The following CFAP54 variants were observed in gnomAD, a reference collection of about 807,000 sequenced individuals.
CFAP54 encodes the protein cilia and flagella associated protein 54.
A neutral mutation model predicts 370.4 loss-of-function variants in CFAP54; 290 were observed. The observed-to-expected ratio is 0.78, with a 90% CI of 0.71 to 0.86. The LOEUF (loss-of-function observed/expected upper bound fraction) is 0.86. Ranked by LOEUF, CFAP54 falls within the 40% of genes least tolerant of loss-of-function variation. CFAP54 has a pLI of 0.00. For synonymous variants in CFAP54, 1,206 were observed against 1,236.5 expected (o/e 0.98, Z 0.52); for missense variants, 3,399 against 3,528.7 (o/e 0.96, Z 0.93).
At chr12:96,751,861 T>C (rs1958187181) in intron 55 of CFAP54, among the ~76,000 whole-genome samples, 2 of 152,112 alleles carry the variant, frequency 1.3e-5, no homozygotes, top group South Asian at 2.1e-4. Flanking sequence ...ATGCATAACA[T>C]ATTTAGAAGG....
chr12:96,844,253 A>G (rs770397321), intron 66 of CFAP54, among the ~76,000 whole-genome samples: 9 of 152,126 alleles, frequency 5.9e-5, no homozygotes, highest in Non-Finnish European at 1.0e-4. Flanking sequence ...TGATCTCTAA[A>G]TGTCATCACA....
chr12:96,542,135 AT>A (rs1437320541), intron 14 of CFAP54, among the ~76,000 whole-genome samples: 2 of 152,172 alleles, frequency 1.3e-5, no homozygotes, highest in Admixed American at 6.5e-5. Context: ...GGACTTCGTA[AT>A]AAAGTTACTC....
At chr12:96,728,582 A>AT (rs1957873792) in intron 50 of CFAP54, among the ~76,000 whole-genome samples, 1 of 151,924 alleles carries the variant, frequency 6.6e-6, no homozygotes. Context: ...ATTCGTCTAA[A>AT]TTTTTTTCAA....
intron 67 of CFAP54, among the ~76,000 whole-genome samples, chr12:96,869,952 AAAAG>A (rs1960112216): frequency 6.6e-6 from 1 of 151,198 alleles, no homozygotes; most frequent in Non-Finnish European, 1.5e-5. Flanking sequence ...AAAAAAAAAA[AAAAG>A]GAAGGAAGGA....
chr12:96,622,769 G>C (rs1183891917), intron 27 of CFAP54, among the ~76,000 whole-genome samples: 1 of 152,160 alleles, frequency 6.6e-6, no homozygotes, highest in African/African-American at 2.4e-5. Context: ...TTCTATCTCT[G>C]TGATATCTTG....
chr12:96,828,172 T>G (rs1375012052), intron 65 of CFAP54, among the ~76,000 whole-genome samples: 3 of 148,956 alleles, frequency 2.0e-5, no homozygotes, highest in African/African-American at 7.4e-5. Flanking sequence ...CTGACAATTA[T>G]GTAGTTATGA....
intron 26 of CFAP54, among the ~76,000 whole-genome samples, chr12:96,600,820 A>G (rs1956232092): frequency 6.6e-6 from 1 of 152,296 alleles, no homozygotes; most frequent in Non-Finnish European, 1.5e-5. Flanking sequence ...GTATTCTGAG[A>G]CTTTGCTGAA....
intron 25 of CFAP54, among the ~76,000 whole-genome samples, chr12:96,597,334 T>G (rs1406703641): frequency 6.6e-6 from 1 of 152,042 alleles, no homozygotes; most frequent in African/African-American, 2.4e-5. Flanking sequence ...CACAGTGTTA[T>G]GTACTGTCAT....
intron 63 of CFAP54, among the ~76,000 whole-genome samples, chr12:96,804,731 G>GA (rs1269290414): frequency 5.3e-5 from 8 of 151,606 alleles, no homozygotes; most frequent in Non-Finnish European, 8.8e-5. Context: ...CAGATAATTA[G>GA]AAAAAAACAA....
intron 60 of CFAP54, among the ~76,000 whole-genome samples, chr12:96,770,625 G>A (rs1300586599): frequency 6.6e-6 from 1 of 152,226 alleles, no homozygotes; most frequent in Admixed American, 6.5e-5. Context: ...AGGCCATCAA[G>A]ATTCACACGA....
At chr12:96,795,707 C>T (rs1302699098) in intron 63 of CFAP54, among the ~76,000 whole-genome samples, 7 of 152,170 alleles carry the variant, frequency 4.6e-5, no homozygotes, top group Non-Finnish European at 1.0e-4. Flanking sequence ...CTACAAGCCT[C>T]CCCGCTAAGA....
chr12:96,785,846 T>C (rs1958623837), intron 61 of CFAP54, among the ~76,000 whole-genome samples: 1 of 152,158 alleles, frequency 6.6e-6, no homozygotes, highest in Admixed American at 6.5e-5. Flanking sequence ...CTTCAGCTAT[T>C]GAGGTAGGGA....
intron 39 of CFAP54, among the ~76,000 whole-genome samples, chr12:96,665,335 T>A (rs1481929094): frequency 6.6e-6 from 1 of 152,202 alleles, no homozygotes; most frequent in Non-Finnish European, 1.5e-5. Context: ...TAGATCCCAT[T>A]TGTCAATTTT....
At chr12:96,558,699 C>A (rs969949480) in intron 17 of CFAP54, among the ~76,000 whole-genome samples, 1 of 151,942 alleles carries the variant, frequency 6.6e-6, no homozygotes, top group African/African-American at 2.4e-5. Flanking sequence ...CTAGACCCCT[C>A]TCTCTCTCAC....
chr12:96,874,615 TTTTTTATTTTTATTTTA>T (rs1442618767), intron 67 of CFAP54, among the ~76,000 whole-genome samples: 1,014 of 15,402 alleles, frequency 0.066, 264 homozygotes, highest in Non-Finnish European at 0.087. Context: ...ATCTCTGCTT[TTTTTTATTTTTATTTTA>T]TTTTTTTTTT....
At position 96,580,065 on chromosome 12, in the gene CFAP54, T is replaced by TTTTA. The variant is rs1956016926; in HGVS notation, c.2797-527_2797-524dup. Among the ~76,000 whole-genome samples, 6 of 151,828 alleles carry TTTTA rather than the reference T, an allele frequency of 4.0e-5. No homozygotes were observed. In the South Asian group the frequency reaches 1.2e-3, roughly 31 times the overall value. Reference sequence around the variant, plus strand: ...AGGCTTTTTCATATGTATTTTTATATTTTATTTAAAATAATATATTTTAGT... The same window carrying TTTTA: ...AGGCTTTTTCATATGTATTTTTATATTTTATTTATTTAAAATAATATATTTTAGT... On this transcript the variant is annotated intron_variant, in intron 20 of 67. Transcript: ENST00000524981.
rs1565984897 is a variant in CFAP54, at chr12:96,806,196, AT to A, written c.8851-5539del. Among the ~76,000 whole-genome samples the A allele has an allele frequency of 2.1e-3, 172 of 81,948 alleles. 8 individuals carry two copies. The South Asian group carries it at 0.03, about 14-fold the overall frequency. The allele number at this position is 81,948 out of a possible 152,430, so 53.8% of individuals were successfully genotyped here. A position where few individuals can be genotyped will look rare whatever the true frequency, so the allele number is the denominator to read the frequency against. ...TATATATATATATATATATATATAT[AT>A]ATATATATATATATATAATAACAAC... On this transcript the variant is annotated intron_variant, in intron 63 of 67. Transcript: ENST00000524981.
At chr12:96,863,859 T>C (rs556469567) in intron 67 of CFAP54, among the ~76,000 whole-genome samples, 2 of 152,254 alleles carry the variant, frequency 1.3e-5, no homozygotes, top group South Asian at 2.1e-4. Context: ...TATTCTTGAG[T>C]GTTGTTTTGC....
intron 23 of CFAP54, 61 bp from the exon 24 acceptor site, chr12:96,592,429 A>G (rs2136435447): frequency 5.0e-6 from 2 of 398,220 alleles, no homozygotes; most frequent in East Asian, 7.3e-5. Context: ...TCAATGTAAA[A>G]AGACCAGTTG....
Sources: allele counts gnomAD v4.1 joint callset (sites outside exome capture counted in the v4.1 genomes callset), GRCh38; gene constraint gnomAD v4.1.1; transcripts MANE v1.5; gene names NCBI Gene and HGNC (gene_info 2026-07-23, HGNC 2026-07-21).